The following GPHN variants were observed in gnomAD, a reference collection of about 807,000 sequenced individuals.
GPHN encodes gephyrin.
A neutral mutation model predicts 95.5 loss-of-function variants in GPHN; 17 were observed. The observed-to-expected ratio is 0.18, with a 90% CI of 0.12 to 0.27. GPHN has a LOEUF of 0.27. Among genes scored for constraint, GPHN ranks in the 10% least tolerant of loss-of-function variants. The pLI is 1.00. For missense variants in GPHN, 660 were observed against 978.1 expected (o/e 0.67, Z 4.34); for synonymous variants, 320 against 322.5 (o/e 0.99, Z 0.08).
In GPHN at chr14:67,018,841, G is replaced by A. The variant is rs1424330603; in HGVS notation, c.964-4792G>A. On this transcript the variant is annotated intron_variant, in intron 9 of 22. Transcript: ENST00000478722. ...GAGCCACAATCTTTATTTTTTTTCT[G>A]TGAGGAAACTGAGATTATGGGAGGG... is the stretch of plus-strand genomic sequence containing the variant. Among the ~76,000 whole-genome samples the A allele has an allele frequency of 1.3e-5, 2 of 151,864 alleles. 1 individual carries two copies. Among genetic ancestry groups the A allele is most frequent in the East Asian group, 3.8e-4 (2 of 5,198 alleles).
the GPHN span, chr14:67,198,048 A>C: frequency 1.5e-6 from 2 of 1,305,122 alleles, no homozygotes; most frequent in African/African-American, 3.0e-5. Context: ...ATATTGATAA[A>C]ATTTGCTGAA....
the GPHN span, among the ~76,000 whole-genome samples, chr14:67,203,673 A>G: frequency 6.6e-6 from 1 of 152,182 alleles, no homozygotes; most frequent in Non-Finnish European, 1.5e-5. Flanking sequence ...TTGAAGGATT[A>G]ATTTAAATGG....
chr14:66,660,207 A>G (rs2065560729), intron 1 of GPHN, among the ~76,000 whole-genome samples: 1 of 152,096 alleles, frequency 6.6e-6, no homozygotes, highest in African/African-American at 2.4e-5. Flanking sequence ...TGCCTGAAAT[A>G]TTTCTTGTAC....
chr14:67,102,046 G>A lies in GPHN; in HGVS notation c.1293+1135G>A, dbSNP rs370166470. Among the ~76,000 whole-genome samples, 174 of 151,674 alleles carry A rather than the reference G, an allele frequency of 1.1e-3. 9 individuals carry two copies. The East Asian group carries it at 0.018, about 15-fold the overall frequency. On this transcript the variant is annotated intron_variant, in intron 13 of 22. Coordinates refer to ENST00000478722, the MANE Select transcript of GPHN (RefSeq NM_020806.5). ...GCCACCACGCCCGCCTAATTTTTTT[G>A]TATTTTTAGTAGAGAGGGGATTTCA...
At chr14:67,610,401 G>A in the GPHN span, among the ~76,000 whole-genome samples, 4 of 152,168 alleles carry the variant, frequency 2.6e-5, no homozygotes, top group African/African-American at 9.7e-5. Context: ...GGAGATCGAA[G>A]CCACATTCAT....
chr14:66,755,518 G>C (rs1456430905), intron 2 of GPHN, among the ~76,000 whole-genome samples: 2 of 151,992 alleles, frequency 1.3e-5, no homozygotes, highest in Non-Finnish European at 2.9e-5. Context: ...GGCTCTTTGA[G>C]ATGTAGACTC....
chr14:67,431,647 C>T, the GPHN span, among the ~76,000 whole-genome samples: 1 of 151,998 alleles, frequency 6.6e-6, no homozygotes, highest in African/African-American at 2.4e-5. Context: ...AGCTGAGATG[C>T]CACCATTGCA....
the GPHN span, chr14:67,685,196 C>T: frequency 2.3e-5 from 37 of 1,611,036 alleles, no homozygotes; most frequent in Middle Eastern, 3.3e-4. Flanking sequence ...TACGTCGTAA[C>T]GCCAGAGCCT....
At chr14:67,731,133 T>TA in the GPHN span, among the ~76,000 whole-genome samples, 1 of 152,102 alleles carries the variant, frequency 6.6e-6, no homozygotes. Context: ...TTTTACATTT[T>TA]AAATGTAGCT....
At chr14:67,376,296 C>A in the GPHN span, 2 of 775,200 alleles carry the variant, frequency 2.6e-6, no homozygotes, top group East Asian at 2.8e-5. Flanking sequence ...CTTTTTATAC[C>A]CACTTAAAGT....
At chr14:67,069,150 A>G (rs1365775693) in intron 11 of GPHN, among the ~76,000 whole-genome samples, 1 of 152,204 alleles carries the variant, frequency 6.6e-6, no homozygotes, top group East Asian at 1.9e-4. Flanking sequence ...CCTATGCAAA[A>G]TGGAAATAAT....
chr14:67,281,410 G>A, the GPHN span, among the ~76,000 whole-genome samples: 6 of 152,060 alleles, frequency 3.9e-5, no homozygotes, highest in Admixed American at 6.5e-5. Context: ...ACCTTTATGT[G>A]AAAGAATTTT....
intron 9 of GPHN, among the ~76,000 whole-genome samples, chr14:66,998,979 C>T (rs1359041817): frequency 6.6e-6 from 1 of 150,440 alleles, no homozygotes; most frequent in African/African-American, 2.4e-5. Flanking sequence ...ATCAATTAAC[C>T]TTCATAACAG....
chr14:67,555,423 C>T, the GPHN span, among the ~76,000 whole-genome samples: 1 of 152,148 alleles, frequency 6.6e-6, no homozygotes, highest in Admixed American at 6.6e-5. Context: ...AGGGTGGGCC[C>T]TATGGGAGCA....
intron 2 of GPHN, among the ~76,000 whole-genome samples, chr14:66,719,290 A>C (rs901344951): frequency 9.9e-5 from 15 of 152,224 alleles, no homozygotes; most frequent in African/African-American, 3.6e-4. Flanking sequence ...TTGTGGACCC[A>C]GAAAGCTCAC....
intron 9 of GPHN, among the ~76,000 whole-genome samples, chr14:66,979,640 A>G (rs149563251): frequency 1.6e-4 from 25 of 152,346 alleles, no homozygotes; most frequent in African/African-American, 6.0e-4. Context: ...CATATTAGCA[A>G]TAAGGCTGTT....
chr14:67,089,125 C>CT (rs1264164364), intron 12 of GPHN, 50 bp downstream of exon 12: 180 of 329,388 alleles, frequency 5.5e-4, no homozygotes, highest in South Asian at 1.2e-3. Flanking sequence ...ATTTTTTTTT[C>CT]TTTTTTTCTT....
the GPHN span, among the ~76,000 whole-genome samples, chr14:67,528,728 G>A: frequency 1.2e-4 from 18 of 152,044 alleles, no homozygotes; most frequent in East Asian, 7.8e-4. Context: ...CAGCTGCAGC[G>A]GACAGAGCAT....
At chr14:67,690,605 T>A in the GPHN span, 1 of 593,524 alleles carries the variant, frequency 1.7e-6, no homozygotes, top group African/African-American at 1.9e-5. Flanking sequence ...GCCAAAGACA[T>A]GAGGCATCCT....
Sources: allele counts gnomAD v4.1 joint callset (sites outside exome capture counted in the v4.1 genomes callset), GRCh38; gene constraint gnomAD v4.1.1; transcripts MANE v1.5; gene names NCBI Gene and HGNC (gene_info 2026-07-23, HGNC 2026-07-21).